The following HERPUD2 variants were observed in gnomAD, a reference collection of about 807,000 sequenced individuals.
The protein encoded by HERPUD2 is homocysteine-responsive endoplasmic reticulum-resident ubiquitin-like domain member 2 protein.
Under a neutral mutation model 49.9 loss-of-function variants are expected in HERPUD2, and 13 were observed. That is an observed-to-expected ratio of 0.26 (90% CI 0.17 to 0.41). HERPUD2 has a LOEUF of 0.41. Ranked by LOEUF, HERPUD2 falls within the 10% of genes least tolerant of loss-of-function variation. The probability of loss-of-function intolerance (pLI) is 1.00; values close to 1 mark genes in which losing one functional copy is unlikely to be tolerated. For synonymous variants in HERPUD2, 172 were observed against 171.4 expected, an observed-to-expected ratio of 1.00 and a Z score of -0.03; for missense variants, 449 against 492.2, an observed-to-expected ratio of 0.91 and a Z score of 0.83.
intron 2 of HERPUD2, among the ~76,000 whole-genome samples, chr7:35,693,327 A>C (rs1583577064): frequency 6.6e-6 from 1 of 152,312 alleles, no homozygotes; most frequent in South Asian, 2.1e-4. Context: ...ACAGGAGAAA[A>C]ATGTTGAAAG....
chr7:35,653,228 G>C (rs759561519), intron 5 of HERPUD2, among the ~76,000 whole-genome samples: 2 of 152,110 alleles, frequency 1.3e-5, no homozygotes, highest in South Asian at 2.1e-4. Context: ...GTAAGGGATG[G>C]AAAAAGATAT....
chr7:35,636,266 T>G (rs1332222891), intron 6 of HERPUD2, among the ~76,000 whole-genome samples: 2 of 152,190 alleles, frequency 1.3e-5, no homozygotes, highest in African/African-American at 4.8e-5. Context: ...GTTTTTAAAT[T>G]TTTCTACAAT....
intron 5 of HERPUD2, among the ~76,000 whole-genome samples, chr7:35,665,315 T>C (rs929779360): frequency 2.0e-5 from 3 of 152,228 alleles, no homozygotes; most frequent in Non-Finnish European, 2.9e-5. Flanking sequence ...GCCTCGGCAA[T>C]GGCAGATGCC....
At chr7:35,634,061 A>G (rs1354307783) in intron 8 of HERPUD2, among the ~76,000 whole-genome samples, 1 of 152,240 alleles carries the variant, frequency 6.6e-6, no homozygotes, top group African/African-American at 2.4e-5. Context: ...TACCATGTGT[A>G]TAATTTTATT....
At chr7:35,685,796 G>A (rs1322772996) in intron 2 of HERPUD2, among the ~76,000 whole-genome samples, 1 of 151,916 alleles carries the variant, frequency 6.6e-6, no homozygotes, top group Non-Finnish European at 1.5e-5. Flanking sequence ...TGGCCAACAT[G>A]GTGGAAACCT....
intron 2 of HERPUD2, among the ~76,000 whole-genome samples, chr7:35,691,776 C>T (rs1204301421): frequency 2.0e-5 from 3 of 152,144 alleles, no homozygotes; most frequent in East Asian, 1.9e-4. Context: ...AATGACCTTA[C>T]AAAGTAAACT....
At chr7:35,661,548 G>A (rs575413784) in intron 5 of HERPUD2, among the ~76,000 whole-genome samples, 53 of 152,014 alleles carry the variant, frequency 3.5e-4, no homozygotes, top group African/African-American at 1.1e-3. Flanking sequence ...CTTTTATTTC[G>A]CTGAGCAGTG....
intron 2 of HERPUD2, among the ~76,000 whole-genome samples, chr7:35,677,950 A>G (rs762032987): frequency 6.6e-6 from 1 of 152,212 alleles, no homozygotes; most frequent in Non-Finnish European, 1.5e-5. Flanking sequence ...GTTAAGAGCG[A>G]TAATAGATTG....
intron 2 of HERPUD2, among the ~76,000 whole-genome samples, chr7:35,680,921 C>T (rs1005099215): frequency 6.6e-6 from 1 of 152,186 alleles, no homozygotes; most frequent in South Asian, 2.1e-4. Flanking sequence ...AGAGTATATG[C>T]TAAGTGTAGA....
chr7:35,685,248 CAGAAA>C (rs1334867296), intron 2 of HERPUD2, among the ~76,000 whole-genome samples: 2 of 147,470 alleles, frequency 1.4e-5, no homozygotes, highest in Admixed American at 1.3e-4. Context: ...AAAAAAAAAA[CAGAAA>C]AGAAAACAGA....
chr7:35,673,346 T>C, intron 2 of HERPUD2, 68 bp from the exon 3 acceptor site: 2 of 1,128,214 alleles, frequency 1.8e-6, no homozygotes, highest in East Asian at 4.8e-5. Flanking sequence ...GGGAATAACA[T>C]GCCTAATTAT....
chr7:35,674,420 G>T (rs1385634723), intron 2 of HERPUD2, among the ~76,000 whole-genome samples: 4,755 of 52,862 alleles, frequency 0.09, 223 homozygotes, highest in African/African-American at 0.11. Context: ...GAGAGAGAGA[G>T]AGAGAGAGAG....
chr7:35,646,993 GA>G (rs1055450492), intron 5 of HERPUD2, among the ~76,000 whole-genome samples: 5 of 151,870 alleles, frequency 3.3e-5, no homozygotes, highest in African/African-American at 9.7e-5. Context: ...AACCAAGAAG[GA>G]GAAAGACTGT....
At chr7:35,662,144 G>C (rs528012079) in intron 5 of HERPUD2, among the ~76,000 whole-genome samples, 1 of 152,290 alleles carries the variant, frequency 6.6e-6, no homozygotes, top group South Asian at 2.1e-4. Context: ...TGTGGTTTCT[G>C]TCTTTAGTTC....
chr7:35,657,186 TA>T (rs977031543), intron 5 of HERPUD2, among the ~76,000 whole-genome samples: 5 of 151,810 alleles, frequency 3.3e-5, no homozygotes, highest in Non-Finnish European at 7.4e-5. Flanking sequence ...ATAATCCCAT[TA>T]AAAAGTAAGC....
At chr7:35,677,158 T>C (rs894923973) in intron 2 of HERPUD2, among the ~76,000 whole-genome samples, 1 of 152,232 alleles carries the variant, frequency 6.6e-6, no homozygotes, top group Non-Finnish European at 1.5e-5. Flanking sequence ...CTTACAATGC[T>C]TAACAACATA....
At chr7:35,663,766 A>G (rs1213485275) in intron 5 of HERPUD2, among the ~76,000 whole-genome samples, 3 of 151,956 alleles carry the variant, frequency 2.0e-5, no homozygotes, top group Admixed American at 6.6e-5. Context: ...ATCTTCCTCC[A>G]TCCCTTTATT....
At chr7:35,683,501 A>G (rs1401770489) in intron 2 of HERPUD2, among the ~76,000 whole-genome samples, 2 of 152,236 alleles carry the variant, frequency 1.3e-5, no homozygotes, top group Admixed American at 1.3e-4. Flanking sequence ...CCTTCTAGAC[A>G]CTGCCTTAGG....
intron 5 of HERPUD2, among the ~76,000 whole-genome samples, chr7:35,651,346 C>T (rs1331435933): frequency 6.6e-6 from 1 of 152,104 alleles, no homozygotes; most frequent in African/African-American, 2.4e-5. Context: ...GACAGGCATA[C>T]TCAGCCTACC....
Sources: allele counts gnomAD v4.1 joint callset (sites outside exome capture counted in the v4.1 genomes callset), GRCh38; gene constraint gnomAD v4.1.1; transcripts MANE v1.5; gene names NCBI Gene and HGNC (gene_info 2026-07-23, HGNC 2026-07-21).